Variants in FRMD4A observed in about 807,000 individuals in gnomAD.
FRMD4A encodes FERM domain containing 4A, also known as FERM domain-containing protein 4A.
A neutral mutation model predicts 129.1 loss-of-function variants in FRMD4A; 29 were observed. The ratio of observed to expected loss-of-function variants is 0.22; its 90% CI spans 0.17 to 0.31. FRMD4A has a LOEUF of 0.31. Ranked by LOEUF, FRMD4A falls within the 10% of genes least tolerant of loss-of-function variation. FRMD4A has a pLI of 1.00. For synonymous variants in FRMD4A, 634 were observed against 571.6 expected (o/e 1.11, Z -1.56); for missense variants, 1,272 against 1,375.8 (o/e 0.92, Z 1.19).
chr10:13,648,504 G>C (rs949845121), intron 24 of FRMD4A: 2 of 152,206 alleles, frequency 1.3e-5, no homozygotes, highest in African/African-American at 4.8e-5. Context: ...GGGGCCAGGG[G>C]ACAAGGAACC....
intron 2 of FRMD4A, among the ~76,000 whole-genome samples, chr10:14,174,962 C>G (rs1589128514): frequency 6.7e-6 from 1 of 150,266 alleles, no homozygotes; most frequent in East Asian, 2.0e-4. Flanking sequence ...CCAAATAAAT[C>G]AGGATTGACT....
At chr10:14,021,626 T>TG (rs979125770) in intron 2 of FRMD4A, among the ~76,000 whole-genome samples, 8 of 151,952 alleles carry the variant, frequency 5.3e-5, no homozygotes, top group Non-Finnish European at 8.8e-5. Context: ...TGTTTCCCTC[T>TG]GGGGGAGGGA....
intron 2 of FRMD4A, among the ~76,000 whole-genome samples, chr10:14,084,820 G>A (rs1015445221): frequency 6.6e-6 from 1 of 152,120 alleles, no homozygotes; most frequent in Non-Finnish European, 1.5e-5. Flanking sequence ...ACCCTGCCTC[G>A]ACTGCTCCTT....
intron 2 of FRMD4A, among the ~76,000 whole-genome samples, chr10:14,003,058 G>A (rs943693839): frequency 1.3e-5 from 2 of 152,142 alleles, no homozygotes; most frequent in Admixed American, 6.6e-5. Context: ...TTCAGTAGAC[G>A]AGTGACACAA....
chr10:13,887,985 G>A (rs1053977714), intron 2 of FRMD4A, among the ~76,000 whole-genome samples: 2 of 152,166 alleles, frequency 1.3e-5, no homozygotes, highest in Non-Finnish European at 2.9e-5. Context: ...TTGATAAGCT[G>A]GATTTATGCT....
intron 2 of FRMD4A, among the ~76,000 whole-genome samples, chr10:14,307,177 A>G (rs1405103641): frequency 6.6e-6 from 1 of 152,180 alleles, no homozygotes; most frequent in East Asian, 1.9e-4. Flanking sequence ...ATTTGCATTC[A>G]TTTGTCACTA....
At chr10:14,258,976 A>C (rs758209341) in intron 2 of FRMD4A, among the ~76,000 whole-genome samples, 5 of 152,210 alleles carry the variant, frequency 3.3e-5, no homozygotes, top group African/African-American at 4.8e-5. Context: ...ATCAGAAATC[A>C]GATCAGCAGT....
At chr10:13,931,018 A>G (rs997269872) in intron 2 of FRMD4A, among the ~76,000 whole-genome samples, 2 of 152,104 alleles carry the variant, frequency 1.3e-5, no homozygotes, top group Non-Finnish European at 2.9e-5. Context: ...AACTTTCTGT[A>G]TAGATGAGAT....
At chr10:14,306,964 AT>A (rs1380479584) in intron 2 of FRMD4A, among the ~76,000 whole-genome samples, 1 of 152,192 alleles carries the variant, frequency 6.6e-6, no homozygotes, top group Admixed American at 6.5e-5. Context: ...TAAAGAAAAC[AT>A]TTTTAGCTTC....
chr10:14,287,336 G>C (rs1845713815), intron 2 of FRMD4A, among the ~76,000 whole-genome samples: 1 of 152,154 alleles, frequency 6.6e-6, no homozygotes, highest in African/African-American at 2.4e-5. Flanking sequence ...GTTCCCTAAG[G>C]GAAGAGGCTC....
intron 4 of FRMD4A, among the ~76,000 whole-genome samples, chr10:13,797,408 G>A (rs1338657110): frequency 6.6e-6 from 1 of 152,184 alleles, no homozygotes; most frequent in Non-Finnish European, 1.5e-5. Flanking sequence ...TGAGGCAAGA[G>A]ATCCTCAGAG....
chr10:14,258,966 A>G (rs1844708010), intron 2 of FRMD4A, among the ~76,000 whole-genome samples: 1 of 152,206 alleles, frequency 6.6e-6, no homozygotes, highest in African/African-American at 2.4e-5. Context: ...ACTGTATAAA[A>G]TCAGAAATCA....
intron 2 of FRMD4A, among the ~76,000 whole-genome samples, chr10:13,891,128 G>A (rs758755717): frequency 6.6e-6 from 1 of 152,036 alleles, no homozygotes; most frequent in East Asian, 1.9e-4. Context: ...CTCCCCTTCC[G>A]AGCGTCCGTT....
chr10:13,789,769 ATGTGTGTG>A (rs57602565), intron 5 of FRMD4A, among the ~76,000 whole-genome samples: 17 of 130,212 alleles, frequency 1.3e-4, no homozygotes, highest in Admixed American at 5.3e-4. Flanking sequence ...GCTGCTTATA[ATGTGTGTG>A]TGTGTGTGTG....
intron 2 of FRMD4A, among the ~76,000 whole-genome samples, chr10:14,061,173 C>T (rs530806125): frequency 2.0e-5 from 3 of 152,150 alleles, no homozygotes; most frequent in Non-Finnish European, 2.9e-5. Context: ...TTAGGCCGGG[C>T]GTAGTGGCTT....
At chr10:14,216,409 G>A (rs530900426) in intron 2 of FRMD4A, among the ~76,000 whole-genome samples, 9 of 152,172 alleles carry the variant, frequency 5.9e-5, no homozygotes, top group African/African-American at 1.9e-4. Flanking sequence ...AATGACTCAT[G>A]CCTGTAATCT....
intron 2 of FRMD4A, among the ~76,000 whole-genome samples, chr10:14,321,516 G>T (rs1036663959): frequency 2.0e-5 from 3 of 152,012 alleles, no homozygotes; most frequent in African/African-American, 7.3e-5. Context: ...AATTTTGAGG[G>T]GTGGAGGAAG....
At chr10:13,673,976 C>T (rs1192930791) in intron 16 of FRMD4A, among the ~76,000 whole-genome samples, 1 of 151,916 alleles carries the variant, frequency 6.6e-6, no homozygotes, top group African/African-American at 2.4e-5. Context: ...CTATGTTGCT[C>T]AGGCTAGTCT....
chr10:13,831,444 G>A (rs1002596189), intron 3 of FRMD4A, among the ~76,000 whole-genome samples: 1 of 152,154 alleles, frequency 6.6e-6, no homozygotes, highest in Admixed American at 6.5e-5. Flanking sequence ...GCAAGGTCCT[G>A]TCTCTAAAAC....
Sources: allele counts gnomAD v4.1 joint callset (sites outside exome capture counted in the v4.1 genomes callset), GRCh38; gene constraint gnomAD v4.1.1; transcripts MANE v1.5; gene names NCBI Gene and HGNC (gene_info 2026-07-23, HGNC 2026-07-21).